CAMK1D: variants seen among roughly 807,000 people sequenced by gnomAD.
CAMK1D encodes the protein calcium/calmodulin-dependent protein kinase type 1D.
In CAMK1D, 9 loss-of-function variants were observed where a neutral mutation model predicts 47.7. The observed-to-expected ratio is 0.19, with a 90% CI of 0.11 to 0.33. CAMK1D has a LOEUF of 0.33. Among genes scored for constraint, CAMK1D ranks in the 10% least tolerant of loss-of-function variants. The probability of loss-of-function intolerance (pLI) is 1.00; values close to 1 mark genes in which losing one functional copy is unlikely to be tolerated. For synonymous variants in CAMK1D, 184 were observed against 184.9 expected, an observed-to-expected ratio of 0.99 and a Z score of 0.04; for missense variants, 291 against 488.7, an observed-to-expected ratio of 0.60 and a Z score of 3.81.
rs116738439 is a variant in CAMK1D at position 12,639,800 on chromosome 10, C to G, written c.225-26936C>G. Among the ~76,000 whole-genome samples, 447 of 152,184 alleles carry G rather than the reference C, an allele frequency of 2.9e-3. 3 individuals are homozygous for G. Among genetic ancestry groups the G allele is most frequent in the African/African-American group, 0.01 (418 of 41,518 alleles). On this transcript the variant is annotated intron_variant, in intron 2 of 10. Transcript: ENST00000619168. ...CTTCTCATGATAATGCTTCTGGAAA[C>G]AGATTGTTATTTAACAATCAAATGA...
chr10:12,593,154 T>A (rs986753076), intron 2 of CAMK1D, among the ~76,000 whole-genome samples: 1 of 152,270 alleles, frequency 6.6e-6, no homozygotes, highest in Non-Finnish European at 1.5e-5. Context: ...ATGTGTGGGC[T>A]GAGTTCCAGT....
chr10:12,452,537 C>T (rs1834742307), intron 1 of CAMK1D, among the ~76,000 whole-genome samples: 5 of 150,902 alleles, frequency 3.3e-5, no homozygotes, highest in Admixed American at 3.3e-4. Context: ...CATTATGGTC[C>T]ATATATCAAT....
chr10:12,467,978 A>G (rs1384132779), intron 1 of CAMK1D, among the ~76,000 whole-genome samples: 2 of 152,258 alleles, frequency 1.3e-5, no homozygotes, highest in Non-Finnish European at 1.5e-5. Flanking sequence ...AGTTTACAGT[A>G]CAATATCATA....
chr10:12,677,141 T>C (rs1183469398), intron 3 of CAMK1D, among the ~76,000 whole-genome samples: 1 of 152,188 alleles, frequency 6.6e-6, no homozygotes, highest in Admixed American at 6.5e-5. Context: ...GTAAGCTGTT[T>C]GCACAGTTCC....
At chr10:12,421,471 A>C (rs1320509288) in intron 1 of CAMK1D, among the ~76,000 whole-genome samples, 3 of 135,896 alleles carry the variant, frequency 2.2e-5, no homozygotes, top group Non-Finnish European at 3.1e-5. Context: ...GCCGTATTCC[A>C]CTGTCTCCCT....
Position 12,380,596 on chromosome 10 carries a change from G to A in CAMK1D, c.92+30686G>A, listed in dbSNP as rs185312292. On this transcript the variant is annotated intron_variant, in intron 1 of 10. Transcript: ENST00000619168. The stretch of plus-strand genomic sequence containing the variant: ...TTCTCAGCTGGGCGCAGTGGCTCAT[G>A]CCTGTAATCCCAGCACTTTGGGAGG... 4.8e-3 allele frequency among the ~76,000 whole-genome samples: 725 copies of A among 152,286 alleles called. 5 individuals are homozygous for A. Among genetic ancestry groups the A allele is most frequent in the Admixed American group, 7.3e-3 (112 of 15,292 alleles).
chr10:12,772,051 C>G (rs1448541671), intron 5 of CAMK1D, among the ~76,000 whole-genome samples: 1 of 149,872 alleles, frequency 6.7e-6, no homozygotes, highest in Non-Finnish European at 1.5e-5. Context: ...AAAAAAAAAG[C>G]CAGTATAGGC....
chr10:12,614,711 C>T (rs1176397430), intron 2 of CAMK1D, among the ~76,000 whole-genome samples: 2 of 152,196 alleles, frequency 1.3e-5, no homozygotes, highest in Non-Finnish European at 1.5e-5. Context: ...TCCACCCCAC[C>T]TACTCCAGGA....
chr10:12,523,947 C>T (rs1032221456), intron 1 of CAMK1D, among the ~76,000 whole-genome samples: 9 of 152,042 alleles, frequency 5.9e-5, no homozygotes, highest in African/African-American at 2.2e-4. Context: ...GTTGCCCAGG[C>T]TTGGCGCGAT....
chr10:12,396,563 A>G (rs1039543361), intron 1 of CAMK1D, among the ~76,000 whole-genome samples: 1 of 152,204 alleles, frequency 6.6e-6, no homozygotes, highest in African/African-American at 2.4e-5. Flanking sequence ...TGTAAGGGCT[A>G]TGTAGAAGGT....
chr10:12,774,240 A>G (rs1397344526), intron 5 of CAMK1D, among the ~76,000 whole-genome samples: 2 of 152,102 alleles, frequency 1.3e-5, no homozygotes, highest in Non-Finnish European at 2.9e-5. Flanking sequence ...TGAAGCAGAA[A>G]AGATGATAAG....
chr10:12,538,571 A>G (rs1455920030), intron 1 of CAMK1D, among the ~76,000 whole-genome samples: 1 of 152,238 alleles, frequency 6.6e-6, no homozygotes, highest in Non-Finnish European at 1.5e-5. Context: ...ATACATTTCC[A>G]GAACGTATTG....
intron 2 of CAMK1D, among the ~76,000 whole-genome samples, chr10:12,583,205 G>C (rs1564426927): frequency 6.6e-6 from 1 of 152,172 alleles, no homozygotes; most frequent in Non-Finnish European, 1.5e-5. Context: ...AAATACATCT[G>C]TACAGGGACA....
intron 1 of CAMK1D, among the ~76,000 whole-genome samples, chr10:12,462,156 G>GTTTTT (rs57336292): frequency 5.0e-5 from 4 of 79,626 alleles, no homozygotes; most frequent in African/African-American, 2.0e-4. Flanking sequence ...CCTATGAAGA[G>GTTTTT]TTTTTTTTTT....
chr10:12,387,343 T>C (rs888449772), intron 1 of CAMK1D, among the ~76,000 whole-genome samples: 5 of 138,614 alleles, frequency 3.6e-5, no homozygotes, highest in South Asian at 2.1e-4. Context: ...TTGAGATATA[T>C]ATATTATATT....
At chr10:12,701,121 T>C (rs1244295190) in intron 3 of CAMK1D, among the ~76,000 whole-genome samples, 1 of 151,982 alleles carries the variant, frequency 6.6e-6, no homozygotes, top group East Asian at 1.9e-4. Context: ...TTTTTTTTTT[T>C]TCTTTTTTTG....
intron 1 of CAMK1D, among the ~76,000 whole-genome samples, chr10:12,390,178 A>G (rs1838673231): frequency 6.6e-6 from 1 of 152,056 alleles, no homozygotes. Flanking sequence ...AAATTTTCAT[A>G]CTGCATTTGC....
chr10:12,663,532 G>T (rs1840339776), intron 2 of CAMK1D, among the ~76,000 whole-genome samples: 1 of 152,108 alleles, frequency 6.6e-6, no homozygotes. Context: ...CTGATTTCTG[G>T]TAAGTGTGAG....
intron 2 of CAMK1D, among the ~76,000 whole-genome samples, chr10:12,580,971 A>T (rs890520637): frequency 6.6e-6 from 1 of 151,908 alleles, no homozygotes; most frequent in African/African-American, 2.4e-5. Flanking sequence ...GATTTCTGAG[A>T]TTTTGGTGCA....
Sources: allele counts gnomAD v4.1 joint callset (sites outside exome capture counted in the v4.1 genomes callset), GRCh38; gene constraint gnomAD v4.1.1; transcripts MANE v1.5; gene names NCBI Gene and HGNC (gene_info 2026-07-23, HGNC 2026-07-21).